The following PDE4D variants were observed in gnomAD, a reference collection of about 807,000 sequenced individuals.
PDE4D encodes the protein 3',5'-cyclic-AMP phosphodiesterase 4D.
PDE4D carries 24 observed loss-of-function variants against 87.4 expected under a neutral mutation model. That is an observed-to-expected ratio of 0.27 (90% confidence interval 0.20 to 0.39). The LOEUF (loss-of-function observed/expected upper bound fraction) is 0.39. PDE4D is among the 10% of genes least tolerant of loss of function. PDE4D has a pLI of 1.00. For missense variants in PDE4D, 714 were observed against 1,041.0 expected (o/e 0.69, Z 4.32); for synonymous variants, 384 against 383.2 (o/e 1.00, Z -0.02).
At chr5:59,422,338 A>G (rs1794609199) in intron 1 of PDE4D, among the ~76,000 whole-genome samples, 1 of 152,138 alleles carries the variant, frequency 6.6e-6, no homozygotes, top group African/African-American at 2.4e-5. Flanking sequence ...TCCTTCCTAG[A>G]GCAACCTTCT....
chr5:60,406,296 T>G (rs113913448), intron 1 of PDE4D, among the ~76,000 whole-genome samples: 4,204 of 152,252 alleles, frequency 0.028, 93 homozygotes, highest in Middle Eastern at 0.082. Flanking sequence ...GATTCTGAAA[T>G]GCACAATTAA....
chr5:59,570,602 T>C (rs1821664235), intron 1 of PDE4D, among the ~76,000 whole-genome samples: 1 of 151,936 alleles, frequency 6.6e-6, no homozygotes, highest in African/African-American at 2.4e-5. Context: ...AAATAGGTAT[T>C]TTAAACACAA....
At chr5:59,224,289 C>CAT (rs1753232134) in intron 1 of PDE4D, among the ~76,000 whole-genome samples, 1 of 128,352 alleles carries the variant, frequency 7.8e-6, no homozygotes, top group Non-Finnish European at 1.6e-5. Context: ...CATACACACA[C>CAT]ACATACACAC....
intron 2 of PDE4D, among the ~76,000 whole-genome samples, chr5:60,077,174 A>ATC (rs1297877711): frequency 1.3e-5 from 2 of 152,172 alleles, no homozygotes; most frequent in Non-Finnish European, 2.9e-5. Context: ...GCTCTGTGCC[A>ATC]CCCAGTGCTC....
intron 2 of PDE4D, among the ~76,000 whole-genome samples, chr5:60,051,909 A>G (rs1383434024): frequency 6.6e-6 from 1 of 152,258 alleles, no homozygotes; most frequent in Non-Finnish European, 1.5e-5. Context: ...TATACTATGA[A>G]CAGCTCTATG....
chr5:59,613,848 C>T (rs1309563340), intron 1 of PDE4D, among the ~76,000 whole-genome samples: 3 of 152,088 alleles, frequency 2.0e-5, no homozygotes, highest in African/African-American at 7.2e-5. Context: ...CTTATGAAAT[C>T]TTCAAGATTA....
intron 1 of PDE4D, among the ~76,000 whole-genome samples, chr5:59,701,765 C>T (rs558091047): frequency 6.6e-6 from 1 of 152,324 alleles, no homozygotes; most frequent in South Asian, 2.1e-4. Flanking sequence ...GAATCTTCTT[C>T]ACAACTTCTC....
At chr5:60,489,685 G>A (rs1749419152), upstream of PDE4D, 4 of 152,146 alleles carry the variant, frequency 2.6e-5, no homozygotes, top group Admixed American at 2.0e-4. Context: ...GTGACTATAT[G>A]AGAATGGAAA....
chr5:59,686,282 C>A (rs1749844476), intron 1 of PDE4D, among the ~76,000 whole-genome samples: 1 of 152,060 alleles, frequency 6.6e-6, no homozygotes, highest in African/African-American at 2.4e-5. Flanking sequence ...GCATATTTTC[C>A]CATTTACTCT....
rs1273325472 is a variant in PDE4D at position 59,661,821 on chromosome 5, G to C, written c.455+231347C>G. Among the ~76,000 whole-genome samples, 3 of 152,186 alleles carry C rather than the reference G, an allele frequency of 2.0e-5. No homozygotes were observed. In the East Asian group the frequency reaches 5.8e-4, roughly 29 times the overall value. On this transcript the variant is annotated intron_variant, in intron 1 of 14. Transcript: ENST00000340635. ...AAAGAAAGTATAAATGAGCATTGTA[G>C]GCCAGGATAAAGCTGTGGCTGGGGA... is the stretch of plus-strand genomic sequence containing the variant.
At chr5:60,094,243 G>A (rs1036872654) in intron 2 of PDE4D, among the ~76,000 whole-genome samples, 18 of 152,244 alleles carry the variant, frequency 1.2e-4, no homozygotes, top group Admixed American at 3.9e-4. Context: ...TACAGTGAGT[G>A]ATTAAAGTCA....
chr5:60,146,077 GGT>G (rs1205511605), intron 2 of PDE4D, among the ~76,000 whole-genome samples: 1 of 152,140 alleles, frequency 6.6e-6, no homozygotes, highest in Non-Finnish European at 1.5e-5. Flanking sequence ...AGCCAGGTGT[GGT>G]GGCGTGCGCC....
At chr5:60,478,317 AT>A (rs1180140777) in intron 1 of PDE4D, among the ~76,000 whole-genome samples, 3 of 152,026 alleles carry the variant, frequency 2.0e-5, no homozygotes, top group African/African-American at 7.2e-5. Context: ...AAATGGGGTG[AT>A]TTTTTTTACA....
At chr5:59,655,895 T>A (rs1318121719) in intron 1 of PDE4D, among the ~76,000 whole-genome samples, 1 of 152,270 alleles carries the variant, frequency 6.6e-6, no homozygotes, top group African/African-American at 2.4e-5. Context: ...TACTCCAAAG[T>A]TCAAGTCTAG....
intron 2 of PDE4D, among the ~76,000 whole-genome samples, chr5:60,104,790 G>A (rs1776681726): frequency 6.6e-6 from 1 of 152,196 alleles, no homozygotes; most frequent in African/African-American, 2.4e-5. Flanking sequence ...CAACAGACCT[G>A]CAGCTGAGGG....
intron 1 of PDE4D, among the ~76,000 whole-genome samples, chr5:59,410,467 G>A (rs1479009286): frequency 1.3e-5 from 2 of 152,066 alleles, no homozygotes; most frequent in Non-Finnish European, 2.9e-5. Context: ...TACTGGTCTT[G>A]AACTCCTGGC....
chr5:59,698,283 G>T (rs1225843455), intron 1 of PDE4D, among the ~76,000 whole-genome samples: 1 of 152,092 alleles, frequency 6.6e-6, no homozygotes, highest in East Asian at 1.9e-4. Flanking sequence ...GGTTGGCTGA[G>T]ATGTATCTGA....
At chr5:59,374,508 G>A (rs1784410204) in intron 1 of PDE4D, among the ~76,000 whole-genome samples, 1 of 152,072 alleles carries the variant, frequency 6.6e-6, no homozygotes, top group African/African-American at 2.4e-5. Flanking sequence ...CCAACAGAGA[G>A]AAACACTCAG....
chr5:60,480,026 G>A (rs977044577), intron 1 of PDE4D, among the ~76,000 whole-genome samples: 5 of 152,164 alleles, frequency 3.3e-5, no homozygotes, highest in Non-Finnish European at 7.4e-5. Context: ...TTAGAACATC[G>A]CCAGAGGGCT....
Sources: gnomAD v4.1 joint callset for allele counts (sites outside exome capture counted in the v4.1 genomes callset) on GRCh38, gnomAD v4.1.1 for gene constraint, MANE v1.5 for transcripts, NCBI Gene and HGNC (gene_info 2026-07-23, HGNC 2026-07-21) for gene names.